PPARG: variants seen among roughly 807,000 people sequenced by gnomAD.
The protein encoded by PPARG is peroxisome proliferator-activated receptor gamma.
In PPARG, 17 loss-of-function variants were observed where a neutral mutation model predicts 39.2. The ratio of observed to expected loss-of-function variants is 0.43; its 90% CI spans 0.30 to 0.65. The LOEUF is 0.65. Ranked by LOEUF, PPARG falls within the 30% of genes least tolerant of loss-of-function variation. The pLI is 0.13. For synonymous variants in PPARG, 223 were observed against 215.7 expected, an observed-to-expected ratio of 1.03 and a Z score of -0.30; for missense variants, 406 against 585.9, an observed-to-expected ratio of 0.69 and a Z score of 3.17.
intron 2 of PPARG, among the ~76,000 whole-genome samples, chr3:12,336,231 G>T (rs1184004377): frequency 6.6e-6 from 1 of 152,192 alleles, no homozygotes; most frequent in Non-Finnish European, 1.5e-5. Flanking sequence ...GAATTGGTTT[G>T]CGAACACATT....
chr3:12,389,662 G>A (rs2049999539), intron 4 of PPARG, among the ~76,000 whole-genome samples: 1 of 152,124 alleles, frequency 6.6e-6, no homozygotes, highest in Non-Finnish European at 1.5e-5. Flanking sequence ...AGGCCAAGGT[G>A]GGTGGATCAC....
intron 2 of PPARG, among the ~76,000 whole-genome samples, chr3:12,368,585 G>A (rs1437502113): frequency 1.3e-5 from 2 of 152,138 alleles, no homozygotes; most frequent in East Asian, 3.8e-4. Flanking sequence ...TTAACATTGG[G>A]CAAGTCACTT....
chr3:12,417,793 T>A (rs1374128584), intron 7 of PPARG, among the ~76,000 whole-genome samples: 1 of 151,834 alleles, frequency 6.6e-6, no homozygotes, highest in Non-Finnish European at 1.5e-5. Context: ...TTTAGCAATT[T>A]GTTGTATTTT....
intron 5 of PPARG, among the ~76,000 whole-genome samples, chr3:12,402,989 A>G (rs2050530116): frequency 6.6e-6 from 1 of 152,184 alleles, no homozygotes; most frequent in African/African-American, 2.4e-5. Context: ...TACAGTATAA[A>G]TACTGTATAA....
intron 2 of PPARG, among the ~76,000 whole-genome samples, chr3:12,374,535 G>A (rs901210755): frequency 1.2e-4 from 18 of 152,086 alleles, no homozygotes; most frequent in Admixed American, 1.0e-3. Flanking sequence ...GGAGGTGGAG[G>A]TTGCAGTGAG....
upstream of PPARG, chr3:12,288,085 A>AGGGGGCGCGGAGGGCT (rs1189064466): frequency 1.4e-5 from 2 of 147,878 alleles, no homozygotes; most frequent in African/African-American, 2.5e-5. Flanking sequence ...GTGCTCAGGG[A>AGGGGGCGCGGAGGGCT]GGGGGCGCGG....
intron 4 of PPARG, among the ~76,000 whole-genome samples, chr3:12,388,202 C>CT (rs1171363990): frequency 4.6e-5 from 7 of 152,144 alleles, no homozygotes; most frequent in Admixed American, 3.3e-4. Context: ...CCTCAGAACC[C>CT]TTTGAGAATT....
At chr3:12,375,125 G>A (rs1575077617) in intron 2 of PPARG, among the ~76,000 whole-genome samples, 1 of 152,022 alleles carries the variant, frequency 6.6e-6, no homozygotes, top group Non-Finnish European at 1.5e-5. Context: ...AGTGGCTCAC[G>A]CCTATATTCC....
intron 4 of PPARG, among the ~76,000 whole-genome samples, chr3:12,389,380 C>T (rs185769415): frequency 6.6e-5 from 10 of 152,146 alleles, no homozygotes; most frequent in African/African-American, 2.4e-4. Flanking sequence ...AACAACATAT[C>T]CAAGAAGGTA....
intron 5 of PPARG, 29 bp from the exon 6 acceptor site, chr3:12,405,853 T>G: frequency 6.3e-7 from 1 of 1,599,874 alleles, no homozygotes; most frequent in Non-Finnish European, 8.6e-7. Context: ...AATCCAATGA[T>G]TCATCCTGTC....
At chr3:12,330,065 G>GC (rs1016832405) in intron 2 of PPARG, among the ~76,000 whole-genome samples, 12 of 151,916 alleles carry the variant, frequency 7.9e-5, no homozygotes, top group Admixed American at 2.6e-4. Flanking sequence ...GGTTGTTTTT[G>GC]CCTTTTGCTA....
intron 2 of PPARG, chr3:12,371,914 C>A: frequency 1.4e-6 from 1 of 711,416 alleles, no homozygotes; most frequent in Non-Finnish European, 2.6e-6. Context: ...TAGTAAATTC[C>A]CAGGTCAGTT....
At chr3:12,346,648 T>G (rs1452016583) in intron 2 of PPARG, among the ~76,000 whole-genome samples, 2 of 152,236 alleles carry the variant, frequency 1.3e-5, no homozygotes, top group East Asian at 3.9e-4. Context: ...GGCTTCTTTT[T>G]TTTTAAGACA....
At chr3:12,334,064 C>T (rs1334402980) in intron 2 of PPARG, among the ~76,000 whole-genome samples, 1 of 152,068 alleles carries the variant, frequency 6.6e-6, no homozygotes, top group African/African-American at 2.4e-5. Context: ...AACTTTTCAC[C>T]TCTTTGCAGC....
intron 2 of PPARG, among the ~76,000 whole-genome samples, chr3:12,328,591 A>G (rs2047760621): frequency 6.6e-6 from 1 of 152,216 alleles, no homozygotes; most frequent in African/African-American, 2.4e-5. Context: ...CACACCAGCC[A>G]GACCAATAAA....
chr3:12,307,748 G>A (rs1283268246), intron 1 of PPARG, among the ~76,000 whole-genome samples: 1 of 152,094 alleles, frequency 6.6e-6, no homozygotes, highest in Admixed American at 6.5e-5. Context: ...TATGAGAAGG[G>A]TTGCTTTGTG....
intron 2 of PPARG, among the ~76,000 whole-genome samples, chr3:12,335,835 GAA>G (rs933537780): frequency 2.7e-5 from 4 of 147,070 alleles, no homozygotes; most frequent in Non-Finnish European, 4.5e-5. Context: ...GCAATGTGGG[GAA>G]AAAAAAAAAA....
chr3:12,334,100 TC>T (rs1241711796), intron 2 of PPARG, among the ~76,000 whole-genome samples: 1 of 152,184 alleles, frequency 6.6e-6, no homozygotes, highest in African/African-American at 2.4e-5. Flanking sequence ...GATTACAAGT[TC>T]CTTAAGAGCA....
intron 2 of PPARG, among the ~76,000 whole-genome samples, chr3:12,359,799 C>T (rs370181089): frequency 7.3e-5 from 11 of 151,574 alleles, no homozygotes; most frequent in South Asian, 6.3e-4. Context: ...CTCAGCCTCC[C>T]GAGTAACTGG....
Sources: allele counts gnomAD v4.1 joint callset (sites outside exome capture counted in the v4.1 genomes callset), GRCh38; gene constraint gnomAD v4.1.1; transcripts MANE v1.5; gene names NCBI Gene and HGNC (gene_info 2026-07-23, HGNC 2026-07-21).